Variants in CALD1 observed in about 807,000 individuals in gnomAD.
The protein encoded by CALD1 is caldesmon.
A neutral mutation model predicts 99.9 loss-of-function variants in CALD1; 33 were observed. That is an observed-to-expected ratio of 0.33 (90% CI 0.25 to 0.44). The LOEUF is 0.44. Ranked by LOEUF, CALD1 falls within the 20% of genes least tolerant of loss-of-function variation. The pLI, the probability that CALD1 is intolerant of heterozygous loss-of-function variation, is 1.00. For synonymous variants in CALD1, 310 were observed against 325.0 expected (o/e 0.95, Z 0.50); for missense variants, 861 against 962.1 (o/e 0.89, Z 1.39).
At chr7:134,744,367 GGTTATTTA>G (rs1796616470) in intron 1 of CALD1, 1 of 151,590 alleles carries the variant, frequency 6.6e-6, no homozygotes, top group African/African-American at 2.4e-5. Flanking sequence ...AATGCAGGTT[GGTTATTTA>G]ATGAAGAAAA....
At chr7:134,880,901 G>T (rs1004645349) in intron 3 of CALD1, among the ~76,000 whole-genome samples, 6 of 152,078 alleles carry the variant, frequency 3.9e-5, no homozygotes, top group African/African-American at 1.4e-4. Flanking sequence ...AGCGGCTTTT[G>T]AACTGAACAG....
chr7:134,791,112 A>G (rs534834342), intron 1 of CALD1, among the ~76,000 whole-genome samples: 2 of 150,026 alleles, frequency 1.3e-5, no homozygotes, highest in African/African-American at 2.5e-5. Flanking sequence ...AAGACTTTAC[A>G]TTTAAGTTTG....
At position 134,933,607 on chromosome 7, in the gene CALD1, A is replaced by G; in HGVS notation, c.838A>G (p.Ile280Val). ...GTTGGAAGCAGAAGAAAGAGAAAGA[A>G]TTAAAGCCGAGCAAGACAAAAAGAT... The part of the protein sequence containing the change: ...ARLEAEERER[I>V]KAEQDKKIAD... The change falls in exon 5 of 15, where the codon ATT (isoleucine) becomes GTT (valine). Residue 280 changes from isoleucine (I) to valine (V), a missense_variant. Around this residue, in one of 5 missense-constraint regions of CALD1, gnomAD observed 234 missense variants for 233.1 expected, o/e 1.00. Coordinates refer to ENST00000361675, the MANE Select transcript of CALD1 (RefSeq NM_033138.4). 6.2e-7 allele frequency: 1 copy of G among 1,612,868 alleles called. No homozygotes were observed. The highest frequency in any genetic ancestry group is 8.5e-7 in the Non-Finnish European group (1 of 1,179,462).
intron 8 of CALD1, among the ~76,000 whole-genome samples, chr7:134,950,170 T>A (rs1368375159): frequency 6.6e-6 from 1 of 152,160 alleles, no homozygotes; most frequent in African/African-American, 2.4e-5. Flanking sequence ...GTCAGGCAGT[T>A]GGAAAGTAGC....
intron 1 of CALD1, among the ~76,000 whole-genome samples, chr7:134,750,870 G>A (rs949816503): frequency 6.6e-6 from 1 of 151,990 alleles, no homozygotes; most frequent in African/African-American, 2.4e-5. Flanking sequence ...CTTCTCCACA[G>A]TGTTTCTGTT....
intron 1 of CALD1, among the ~76,000 whole-genome samples, chr7:134,829,135 A>G (rs1286553162): frequency 6.6e-6 from 1 of 152,258 alleles, no homozygotes; most frequent in African/African-American, 2.4e-5. Context: ...TAAACACAAT[A>G]AATACATCCT....
At chr7:134,728,530 C>T in the CALD1 span, among the ~76,000 whole-genome samples, 170 of 152,208 alleles carry the variant, frequency 1.1e-3, no homozygotes, top group African/African-American at 3.9e-3. Context: ...TTATAGTTGA[C>T]GATATACAGA....
intron 1 of CALD1, among the ~76,000 whole-genome samples, chr7:134,817,406 T>C (rs895594716): frequency 1.3e-5 from 2 of 152,162 alleles, no homozygotes; most frequent in African/African-American, 4.8e-5. Context: ...TACCCAGTTT[T>C]CCCCAGTAGT....
At chr7:134,744,325 A>G (rs1216209573) in exon 1 of CALD1, 1 of 152,156 alleles carries the variant, frequency 6.6e-6, no homozygotes, top group Non-Finnish European at 1.5e-5. Context: ...CTACCTCTAG[A>G]TGTCTCTGAT....
intron 2 of CALD1, among the ~76,000 whole-genome samples, chr7:134,852,641 C>A (rs1586111635): frequency 6.6e-6 from 1 of 152,164 alleles, no homozygotes; most frequent in East Asian, 1.9e-4. Context: ...GCTGCTCCTG[C>A]CTCCAGTTTA....
chr7:134,769,462 T>A (rs1310875723), intron 1 of CALD1, among the ~76,000 whole-genome samples: 1 of 152,254 alleles, frequency 6.6e-6, no homozygotes, highest in Non-Finnish European at 1.5e-5. Context: ...GTCATTGTTT[T>A]AACTTGCATT....
intron 1 of CALD1, among the ~76,000 whole-genome samples, chr7:134,801,836 C>T (rs775904646): frequency 2.6e-5 from 4 of 152,138 alleles, no homozygotes; most frequent in Non-Finnish European, 5.9e-5. Context: ...CCAGGCTGGT[C>T]TCAAACTCCT....
At chr7:134,830,154 AC>A (rs905896163) in intron 1 of CALD1, among the ~76,000 whole-genome samples, 1 of 152,036 alleles carries the variant, frequency 6.6e-6, no homozygotes, top group African/African-American at 2.4e-5. Flanking sequence ...AAAGCTTAAC[AC>A]CCATCTTCAG....
intron 1 of CALD1, among the ~76,000 whole-genome samples, chr7:134,774,215 C>T (rs1796900028): frequency 6.6e-6 from 1 of 151,550 alleles, no homozygotes; most frequent in South Asian, 2.1e-4. Flanking sequence ...TTGGAAGTTG[C>T]TGCAAATGGG....
At chr7:134,820,238 T>C (rs1798720392) in intron 1 of CALD1, among the ~76,000 whole-genome samples, 1 of 152,224 alleles carries the variant, frequency 6.6e-6, no homozygotes, top group Admixed American at 6.5e-5. Flanking sequence ...GACAGATCTA[T>C]GATCTTGTAC....
intron 13 of CALD1, among the ~76,000 whole-genome samples, chr7:134,964,924 T>C (rs1343499427): frequency 6.6e-6 from 1 of 151,862 alleles, no homozygotes; most frequent in Non-Finnish European, 1.5e-5. Flanking sequence ...CTATATAAAA[T>C]CAAACAACAG....
chr7:134,781,070 T>C (rs1167149587), intron 1 of CALD1, among the ~76,000 whole-genome samples: 2 of 152,226 alleles, frequency 1.3e-5, no homozygotes, highest in East Asian at 3.8e-4. Context: ...AGAAGTGATA[T>C]ATGAGAACAG....
chr7:134,945,791 T>C (rs1806814139), intron 7 of CALD1, among the ~76,000 whole-genome samples: 1 of 152,176 alleles, frequency 6.6e-6, no homozygotes, highest in Admixed American at 6.5e-5. Flanking sequence ...ATTGAAGCCA[T>C]AGGTTAATGC....
At chr7:134,711,660 C>CTATATATATA in the CALD1 span, among the ~76,000 whole-genome samples, 17 of 78,344 alleles carry the variant, frequency 2.2e-4, no homozygotes, top group African/African-American at 8.6e-4. Flanking sequence ...CTCTCTCTCT[C>CTATATATATA]TATATATATA....
Sources: gnomAD v4.1 joint callset for allele counts (sites outside exome capture counted in the v4.1 genomes callset) on GRCh38, gnomAD v4.1.1 for gene constraint, gnomAD v4.1.1 regional missense constraint, MANE v1.5 for transcripts, NCBI Gene and HGNC (gene_info 2026-07-23, HGNC 2026-07-21) for gene names.